The following GRIN2B variants were observed in gnomAD, a reference collection of about 807,000 sequenced individuals.
GRIN2B encodes the protein glutamate ionotropic receptor NMDA type subunit 2B, also known as glutamate receptor ionotropic, NMDA 2B.
GRIN2B carries 5 observed loss-of-function variants against 114.5 expected under a neutral mutation model. The ratio of observed to expected loss-of-function variants is 0.04; its 90% CI spans 0.02 to 0.09. The LOEUF is 0.09. GRIN2B is among the 10% of genes least tolerant of loss of function. The pLI is 1.00. For synonymous variants in GRIN2B, 787 were observed against 745.1 expected, an observed-to-expected ratio of 1.06 and a Z score of -0.92; for missense variants, 1,108 against 1,943.5, an observed-to-expected ratio of 0.57 and a Z score of 8.08.
Position 13,877,142 on chromosome 12 carries a change from G to A in GRIN2B, c.-18-10916C>T, listed in dbSNP as rs901974646. Among the ~76,000 whole-genome samples the A allele has an allele frequency of 4.1e-4, 63 of 152,150 alleles. 3 individuals are homozygous for A. The highest frequency in any genetic ancestry group is 1.5e-5 in the Non-Finnish European group (1 of 68,022). On this transcript the variant is annotated intron_variant, in intron 2 of 13. Coordinates refer to ENST00000609686, the MANE Select transcript of GRIN2B (RefSeq NM_000834.5). ...ATCAATGTTTATATGAGAGTTGCAT[G>A]TGTGTGAGCTCAAATTAGCCCTCTT...
intron 2 of GRIN2B, among the ~76,000 whole-genome samples, chr12:13,935,767 C>T (rs373640035): frequency 6.6e-6 from 1 of 152,174 alleles, no homozygotes; most frequent in African/African-American, 2.4e-5. Context: ...AAGCCTTCTG[C>T]TTTTTGCCAT....
intron 4 of GRIN2B, among the ~76,000 whole-genome samples, chr12:13,727,331 T>C (rs1863008135): frequency 6.6e-6 from 1 of 152,218 alleles, no homozygotes; most frequent in African/African-American, 2.4e-5. Flanking sequence ...TTCTCATGTC[T>C]AGTCTATGTT....
At chr12:13,981,909 C>A (rs1019385), upstream of GRIN2B, 58,009 of 153,050 alleles carry the variant, frequency 0.38, 13,168 homozygotes, top group Admixed American at 0.57. Context: ...ACACACACAC[C>A]CCCTACCTCG....
chr12:13,942,749 T>C (rs1024548390), intron 2 of GRIN2B, among the ~76,000 whole-genome samples: 1 of 152,180 alleles, frequency 6.6e-6, no homozygotes, highest in Non-Finnish European at 1.5e-5. Context: ...TAGAATACAG[T>C]ATCTTTCAGT....
chr12:13,665,042 T>G (rs1949960042), intron 5 of GRIN2B, among the ~76,000 whole-genome samples: 1 of 152,146 alleles, frequency 6.6e-6, no homozygotes, highest in Non-Finnish European at 1.5e-5. Context: ...CAGCTGTTTC[T>G]GTAGGTAGTT....
intron 3 of GRIN2B, among the ~76,000 whole-genome samples, chr12:13,795,176 T>C (rs1251444484): frequency 6.6e-6 from 1 of 152,210 alleles, no homozygotes; most frequent in Non-Finnish European, 1.5e-5. Flanking sequence ...ATAAGCTGTG[T>C]CCATCTATAT....
intron 2 of GRIN2B, among the ~76,000 whole-genome samples, chr12:13,867,229 C>T (rs1208966931): frequency 1.3e-5 from 2 of 152,008 alleles, no homozygotes; most frequent in African/African-American, 2.4e-5. Flanking sequence ...TGACTGATAC[C>T]GTATTTTCAT....
At chr12:13,657,356 G>A (rs1468255573) in intron 5 of GRIN2B, among the ~76,000 whole-genome samples, 3 of 152,142 alleles carry the variant, frequency 2.0e-5, no homozygotes, top group Admixed American at 2.0e-4. Context: ...AAGGGCCCAG[G>A]TGCTCATCTA....
At chr12:13,764,276 G>C (rs1863735844) in intron 3 of GRIN2B, among the ~76,000 whole-genome samples, 1 of 151,594 alleles carries the variant, frequency 6.6e-6, no homozygotes, top group African/African-American at 2.4e-5. Context: ...CTCTGGCCCA[G>C]CCCATCCCCT....
intron 2 of GRIN2B, among the ~76,000 whole-genome samples, chr12:13,962,089 TACACAC>T (rs143658576): frequency 3.2e-4 from 46 of 145,344 alleles, no homozygotes; most frequent in Admixed American, 1.1e-3. Context: ...CTCTCATACA[TACACAC>T]ACACACACAC....
chr12:13,642,843 G>C (rs1949732407), intron 5 of GRIN2B, among the ~76,000 whole-genome samples: 1 of 152,156 alleles, frequency 6.6e-6, no homozygotes, highest in Non-Finnish European at 1.5e-5. Flanking sequence ...TGACTGCTCA[G>C]GGCCATGGAG....
chr12:13,845,488 T>C (rs971849639), intron 3 of GRIN2B, among the ~76,000 whole-genome samples: 2 of 152,180 alleles, frequency 1.3e-5, no homozygotes, highest in Non-Finnish European at 2.9e-5. Flanking sequence ...GACTATGAAC[T>C]ATTAGAGAGG....
chr12:13,836,392 A>G (rs1483046477), intron 3 of GRIN2B, among the ~76,000 whole-genome samples: 1 of 152,214 alleles, frequency 6.6e-6, no homozygotes, highest in East Asian at 1.9e-4. Context: ...TTATTTATTC[A>G]AAAAATGTAA....
chr12:13,636,553 C>T (rs1448178068), intron 5 of GRIN2B, among the ~76,000 whole-genome samples: 2 of 152,006 alleles, frequency 1.3e-5, no homozygotes, highest in Non-Finnish European at 2.9e-5. Context: ...GAAGTGGCCA[C>T]TTTCTGGATA....
intron 3 of GRIN2B, among the ~76,000 whole-genome samples, chr12:13,841,753 A>T (rs1191834832): frequency 6.6e-6 from 1 of 152,194 alleles, no homozygotes; most frequent in Non-Finnish European, 1.5e-5. Context: ...AAATGAGAAA[A>T]ATAAAAACAA....
chr12:13,836,646 G>T (rs553046223), intron 3 of GRIN2B, among the ~76,000 whole-genome samples: 8 of 152,288 alleles, frequency 5.3e-5, no homozygotes, highest in African/African-American at 1.9e-4. Flanking sequence ...ACATTACTTT[G>T]TCTCTTTTTT....
intron 4 of GRIN2B, among the ~76,000 whole-genome samples, chr12:13,699,032 C>G (rs779923703): frequency 2.7e-4 from 41 of 152,104 alleles, no homozygotes; most frequent in Non-Finnish European, 5.7e-4. Flanking sequence ...GGTGACCATC[C>G]ATTGAAACAT....
chr12:13,646,597 G>A (rs1949763238), intron 5 of GRIN2B, among the ~76,000 whole-genome samples: 1 of 152,082 alleles, frequency 6.6e-6, no homozygotes, highest in African/African-American at 2.4e-5. Flanking sequence ...CCATGATTAT[G>A]TCATGTTATA....
intron 2 of GRIN2B, among the ~76,000 whole-genome samples, chr12:13,940,238 C>T (rs1402596384): frequency 2.0e-5 from 3 of 152,098 alleles, no homozygotes; most frequent in Non-Finnish European, 4.4e-5. Context: ...CCCACAGCAT[C>T]TGGGAAAACA....
Sources: gnomAD v4.1 joint callset for allele counts (sites outside exome capture counted in the v4.1 genomes callset) on GRCh38, gnomAD v4.1.1 for gene constraint, MANE v1.5 for transcripts, NCBI Gene and HGNC (gene_info 2026-07-23, HGNC 2026-07-21) for gene names.